The following MAP2K1 variants were observed in gnomAD, a reference collection of about 807,000 sequenced individuals.
MAP2K1 encodes mitogen-activated protein kinase kinase 1.
A neutral mutation model predicts 46.3 loss-of-function variants in MAP2K1; 16 were observed. The ratio of observed to expected loss-of-function variants is 0.35; its 90% CI spans 0.23 to 0.52. The LOEUF (loss-of-function observed/expected upper bound fraction) is 0.52, where lower values mean the gene tolerates loss of function less well. Ranked by LOEUF, MAP2K1 falls within the 20% of genes least tolerant of loss-of-function variation. MAP2K1 has a pLI of 0.94. For synonymous variants in MAP2K1, 183 were observed against 185.6 expected, an observed-to-expected ratio of 0.99 and a Z score of 0.11; for missense variants, 263 against 497.1, an observed-to-expected ratio of 0.53 and a Z score of 4.48.
rs375063897 is a variant in MAP2K1 at position 66,411,539 on chromosome 15, C to T, written c.81-23488C>T. ...CAGACAGACCCTGCAGATTTTTGAT[C>T]CAAAGTGACCAAAGTCCTAAGAATG... On this transcript the variant is annotated intron_variant, in intron 1 of 10. Coordinates refer to ENST00000307102, the MANE Select transcript of MAP2K1 (RefSeq NM_002755.4). Among the ~76,000 whole-genome samples, 14 of 152,254 alleles carry T rather than the reference C, an allele frequency of 9.2e-5. No homozygotes were observed. The East Asian group carries it at 1.5e-3, about 17-fold the overall frequency.
At chr15:66,416,504 C>G (rs1255556140) in intron 1 of MAP2K1, among the ~76,000 whole-genome samples, 1 of 152,160 alleles carries the variant, frequency 6.6e-6, no homozygotes, top group Non-Finnish European at 1.5e-5. Context: ...ATTTTCACAG[C>G]TGTAGGCATA....
chr15:66,488,731 C>A, intron 8 of MAP2K1: 1 of 168,020 alleles, frequency 6.0e-6, no homozygotes. Flanking sequence ...AACCGGTTTG[C>A]TTCTGCAGGT....
intron 1 of MAP2K1, among the ~76,000 whole-genome samples, chr15:66,414,086 T>C (rs1406812890): frequency 1.3e-5 from 2 of 152,068 alleles, no homozygotes; most frequent in Non-Finnish European, 2.9e-5. Context: ...GTCAGCCATA[T>C]ACTGAGTAGC....
At chr15:66,405,705 TTAAAC>T (rs2093394844) in intron 1 of MAP2K1, among the ~76,000 whole-genome samples, 1 of 152,212 alleles carries the variant, frequency 6.6e-6, no homozygotes, top group Admixed American at 6.5e-5. Flanking sequence ...TGCCTGGCCT[TTAAAC>T]TAGATTCTTT....
At chr15:66,436,933 G>A (rs753960839) in intron 3 of MAP2K1, 41 bp downstream of exon 3, 11 of 1,611,504 alleles carry the variant, frequency 6.8e-6, no homozygotes, top group Non-Finnish European at 9.3e-6. Flanking sequence ...ATGGCCTTAA[G>A]AGTTGGGTGG....
chr15:66,417,994 A>G (rs565948090), intron 1 of MAP2K1, among the ~76,000 whole-genome samples: 6 of 152,288 alleles, frequency 3.9e-5, no homozygotes, highest in African/African-American at 1.4e-4. Context: ...TGGCATCTTC[A>G]ACAAAGAATT....
intron 5 of MAP2K1, among the ~76,000 whole-genome samples, chr15:66,472,863 G>A (rs1172963848): frequency 6.6e-6 from 1 of 152,166 alleles, no homozygotes; most frequent in African/African-American, 2.4e-5. Context: ...TAAATATGGT[G>A]ACCTTACTAG....
intron 5 of MAP2K1, among the ~76,000 whole-genome samples, chr15:66,480,196 C>T (rs1014830154): frequency 6.6e-6 from 1 of 152,046 alleles, no homozygotes; most frequent in Non-Finnish European, 1.5e-5. Flanking sequence ...TCAAGTGATT[C>T]CCCTGCCTCA....
At position 66,490,953 on chromosome 15, in the gene MAP2K1, G is replaced by T; in HGVS notation, c.*338G>T. 2.3e-6 allele frequency: 1 copy of T among 441,946 alleles called. No individual in the cohort carries two copies. The highest frequency in any genetic ancestry group is 2.3e-5 in the South Asian group (1 of 44,426). 27.4% of individuals were successfully genotyped at this position (441,946 alleles called of 1,614,324 possible). ...GCACTGCTGTTCCTGCTCCATGACT[G>T]GCTGTCTGCCTGTATTTTCGGGATT... On this transcript the variant is annotated 3_prime_UTR_variant, in exon 11 of 11. Transcript: ENST00000307102.
At chr15:66,459,967 C>T (rs1162168918) in intron 5 of MAP2K1, among the ~76,000 whole-genome samples, 2 of 152,244 alleles carry the variant, frequency 1.3e-5, no homozygotes, top group South Asian at 2.1e-4. Context: ...TGAGGCTACA[C>T]ACAGGATTCT....
intron 1 of MAP2K1, among the ~76,000 whole-genome samples, chr15:66,429,670 CCCCCCCCCGT>C (rs2093469564): frequency 8.6e-5 from 3 of 34,942 alleles, no homozygotes; most frequent in South Asian, 2.7e-3. Context: ...CGGCGCCCCC[CCCCCCCCCGT>C]CCCCCCCAAC....
intron 5 of MAP2K1, among the ~76,000 whole-genome samples, chr15:66,457,529 T>TA (rs1488631219): frequency 6.6e-6 from 1 of 152,226 alleles, no homozygotes; most frequent in African/African-American, 2.4e-5. Flanking sequence ...TTTGAGTAGT[T>TA]ACTTGTGAAA....
At chr15:66,441,153 G>A (rs962610355) in intron 3 of MAP2K1, among the ~76,000 whole-genome samples, 1 of 151,960 alleles carries the variant, frequency 6.6e-6, no homozygotes, top group Non-Finnish European at 1.5e-5. Flanking sequence ...TGTAGAGATG[G>A]AGTCTCACTA....
intron 1 of MAP2K1, among the ~76,000 whole-genome samples, chr15:66,401,671 GA>G (rs2093381995): frequency 6.6e-6 from 1 of 152,180 alleles, no homozygotes; most frequent in African/African-American, 2.4e-5. Flanking sequence ...AAGTGCCACA[GA>G]AAAGCTACAA....
chr15:66,479,987 C>T (rs1160674052), intron 5 of MAP2K1, among the ~76,000 whole-genome samples: 1 of 152,090 alleles, frequency 6.6e-6, no homozygotes, highest in Non-Finnish European at 1.5e-5. Context: ...TCACTGCAAC[C>T]TCTGCCTCCC....
rs374541433 is a variant in MAP2K1 at position 66,470,705 on chromosome 15, T to C, written c.569-11050T>C. ...GCTGGTACCAGCCACCAATAGGAGA[T>C]TTGTCAAAGGTCAGGGGCACCTCCA... On this transcript the variant is annotated intron_variant, in intron 5 of 10. Transcript: ENST00000307102. Among the ~76,000 whole-genome samples the C allele has an allele frequency of 4.6e-4, 70 of 152,118 alleles. 1 individual carries two copies. The East Asian group carries it at 7.0e-3, about 15-fold the overall frequency.
At chr15:66,403,263 A>G (rs2093386837) in intron 1 of MAP2K1, among the ~76,000 whole-genome samples, 1 of 152,192 alleles carries the variant, frequency 6.6e-6, no homozygotes, top group Non-Finnish European at 1.5e-5. Flanking sequence ...GTAACTATGC[A>G]ATATCCTTAA....
chr15:66,430,748 C>T (rs1039622382), intron 1 of MAP2K1, among the ~76,000 whole-genome samples: 7 of 152,140 alleles, frequency 4.6e-5, no homozygotes, highest in African/African-American at 1.7e-4. Flanking sequence ...TTGATTTAAA[C>T]CACTGAGCCA....
rs74022010 is a variant in MAP2K1 at position 66,442,675 on chromosome 15, G to A, written c.439-605G>A. Among the ~76,000 whole-genome samples the A allele has an allele frequency of 2.3e-3, 350 of 152,238 alleles. 1 individual carries two copies. The highest frequency in any genetic ancestry group is 0.01 in the Middle Eastern group (3 of 294). On this transcript the variant is annotated intron_variant, in intron 3 of 10. Transcript: ENST00000307102. ...GATTTTCTCTACACTCTAAGCAGTG[G>A]ACACCAGCTGGGTGTCCTCCTGTTT...
Sources: allele counts gnomAD v4.1 joint callset (sites outside exome capture counted in the v4.1 genomes callset), GRCh38; gene constraint gnomAD v4.1.1; transcripts MANE v1.5; gene names NCBI Gene and HGNC (gene_info 2026-07-23, HGNC 2026-07-21).